Variants in CCDC88A observed in about 807,000 individuals in gnomAD.
The protein encoded by CCDC88A is coiled-coil and HOOK domain protein 88A.
In CCDC88A, 54 loss-of-function variants were observed where a neutral mutation model predicts 234.3. That is an observed-to-expected ratio of 0.23 (90% CI 0.19 to 0.29). The LOEUF is 0.29. Among genes scored for constraint, CCDC88A ranks in the 10% least tolerant of loss-of-function variants. CCDC88A has a pLI of 1.00. For missense variants in CCDC88A, 1,832 were observed against 2,123.4 expected, an observed-to-expected ratio of 0.86 and a Z score of 2.70; for synonymous variants, 753 against 737.8, an observed-to-expected ratio of 1.02 and a Z score of -0.33.
In CCDC88A at chr2:55,416,470, AT is replaced by A. The variant is rs1681475074; in HGVS notation, c.164+2345del. On this transcript the variant is annotated intron_variant, in intron 2 of 32. Coordinates refer to ENST00000436346, the MANE Select transcript of CCDC88A (RefSeq NM_001365480.1). ...TATATATATATATATATATATATATATATATATATATATATATGTATATATT... is the reference window on the plus strand; with the variant it reads ...TATATATATATATATATATATATATAATATATATATATATATGTATATATT... 2.1e-5 allele frequency among the ~76,000 whole-genome samples: 2 copies of A among 95,186 alleles called. 1 individual carries two copies. The highest frequency in any genetic ancestry group is 2.0e-4 in the Admixed American group (2 of 9,790). The allele number at this position is 95,186 out of a possible 152,430, so 62.4% of individuals were successfully genotyped here.
Position 55,317,673 on chromosome 2 carries a change from G to T in CCDC88A, c.3493C>A (p.Leu1165Ile). 1 of 1,613,284 alleles carries T rather than the reference G, an allele frequency of 6.2e-7. No homozygotes were observed. Among genetic ancestry groups the T allele is most frequent in the Non-Finnish European group, 8.5e-7 (1 of 1,179,418 alleles). Reference sequence around the variant, plus strand: ...TCTGAAGCCTGACGTTCATGAAGAAGTTCCAGCTTTTCATGATCTTTGATC... The same window carrying T: ...TCTGAAGCCTGACGTTCATGAAGAATTTCCAGCTTTTCATGATCTTTGATC... ...SLIKDHEKLELLHERQASEYE... is the reference protein window; with the variant it reads ...SLIKDHEKLEILHERQASEYE... Residue 1165 changes from leucine (L) to isoleucine (I), a missense_variant, in exon 20 of 33, where the codon CTT becomes ATT. Physicochemically the swap from Leu to Ile is conservative, Grantham distance 5 (BLOSUM62 2). This residue lies in a region of CCDC88A where 1,282 missense variants were observed against 1,543.6 expected (regional missense o/e 0.83). Transcript: ENST00000436346. This position sits in a 1 kb window ranked among gnomAD's most constrained non-coding sequence, Gnocchi z 4.2.
Position 55,296,009 on chromosome 2 carries a change from A to T in CCDC88A, c.5139T>A (p.Ser1713Arg). Reference sequence around the variant, plus strand: ...CCAAAAAGTCAGAAGAGACAGACAAACTTTTCATTACTTCATCTAAAAGAT... The same window carrying T: ...CCAAAAAGTCAGAAGAGACAGACAATCTTTTCATTACTTCATCTAAAAGAT... ...QENLLDEVMK[S>R]LSVSSDFLGK... Residue 1713 changes from serine to arginine, a missense_variant, in exon 31 of 33, where the codon AGT (serine) becomes AGA (arginine). Physicochemically the swap from Ser to Arg is moderately radical, Grantham distance 110. Coordinates refer to ENST00000436346, the MANE Select transcript of CCDC88A (RefSeq NM_001365480.1). 1 of 1,607,026 alleles carries T rather than the reference A, an allele frequency of 6.2e-7. No homozygotes were observed. Among genetic ancestry groups the T allele is most frequent in the Non-Finnish European group, 8.5e-7 (1 of 1,178,430 alleles).
intron 31 of CCDC88A, chr2:55,294,715 G>T: frequency 1.0e-6 from 1 of 992,164 alleles, no homozygotes; most frequent in Non-Finnish European, 1.2e-6. Context: ...ATATGACTTG[G>T]AAATGTCTTC....
chr2:55,342,920 G>T (rs1668686014), intron 12 of CCDC88A, among the ~76,000 whole-genome samples: 2 of 152,216 alleles, frequency 1.3e-5, no homozygotes, highest in South Asian at 4.1e-4. Flanking sequence ...GCAAAACTGA[G>T]GAGTTTTGAA....
chr2:55,355,157 A>G (rs1462983346), intron 8 of CCDC88A, among the ~76,000 whole-genome samples: 1 of 152,060 alleles, frequency 6.6e-6, no homozygotes, highest in Non-Finnish European at 1.5e-5. Flanking sequence ...TTTTGTTAAT[A>G]GTATAATGCG....
chr2:55,385,584 G>A (rs569094176), intron 3 of CCDC88A, among the ~76,000 whole-genome samples: 1 of 152,248 alleles, frequency 6.6e-6, no homozygotes, highest in Non-Finnish European at 1.5e-5. Context: ...CGGGCGCGGT[G>A]GCTCACGCCT....
Position 55,335,145 on chromosome 2 carries a change from T to C in CCDC88A, c.1676A>G (p.Glu559Gly). 6.5e-7 allele frequency: 1 copy of C among 1,536,192 alleles called. No individual in the cohort carries two copies. The highest frequency in any genetic ancestry group is 8.7e-7 in the Non-Finnish European group (1 of 1,146,620). Reference sequence around the variant, plus strand: ...CACTGTTTGATTCAGATGTTCATTTTCCTGTTCCAGTATCTTAATCTAATT... The same window carrying C: ...CACTGTTTGATTCAGATGTTCATTTCCCTGTTCCAGTATCTTAATCTAATT... The part of the protein sequence containing the change: ...SERQIKILEQ[E>G]NEHLNQTVSS... The change falls in exon 15 of 33, where the codon GAA (glutamate) becomes GGA (glycine). Residue 559 changes from glutamate to glycine, a missense_variant. Glu to Gly is a moderately conservative substitution (Grantham distance 98, BLOSUM62 -2). Coordinates refer to ENST00000436346, the MANE Select transcript of CCDC88A (RefSeq NM_001365480.1). The surrounding 1 kb of genome is among the most constrained non-coding windows in gnomAD (Gnocchi z 4.5).
At chr2:55,375,723 T>C (rs10195081) in intron 3 of CCDC88A, among the ~76,000 whole-genome samples, 129,984 of 151,254 alleles carry the variant, frequency 0.86, 56,292 homozygotes, top group Admixed American at 0.93. Flanking sequence ...AGATGGGGTG[T>C]CACCATGTTG....
intron 25 of CCDC88A, among the ~76,000 whole-genome samples, chr2:55,307,346 A>G (rs1178313420): frequency 6.7e-6 from 1 of 150,092 alleles, no homozygotes; most frequent in Non-Finnish European, 1.5e-5. Context: ...ACAAATATGT[A>G]TCTCTTCACC....
intron 16 of CCDC88A, among the ~76,000 whole-genome samples, chr2:55,330,876 T>C (rs1684835645): frequency 1.3e-5 from 2 of 152,244 alleles, no homozygotes; most frequent in South Asian, 2.1e-4. Context: ...TTTTGTGCTT[T>C]TATACAAATG....
At chr2:55,413,015 G>A (rs1275603530) in intron 2 of CCDC88A, among the ~76,000 whole-genome samples, 1 of 151,996 alleles carries the variant, frequency 6.6e-6, no homozygotes, top group African/African-American at 2.4e-5. Context: ...ACCAGCCTGG[G>A]CAAAAAAGTG....
In CCDC88A at chr2:55,309,385, A is replaced by C. The variant is rs1682031851; in HGVS notation, c.4080-131T>G. ...AATACAGATACCATGGTTGGCAACT[A>C]AGATTTCATCAGGTAGTTAACAATG... On this transcript the variant is annotated intron_variant, in intron 23 of 32. Transcript: ENST00000436346. The surrounding 1 kb of genome is among the most constrained non-coding windows in gnomAD (Gnocchi z 5.1). The C allele has an allele frequency of 2.2e-6, 1 of 462,326 alleles. No homozygotes were observed. Among genetic ancestry groups the C allele is most frequent in the Non-Finnish European group, 3.9e-6 (1 of 259,512 alleles). The allele number at this position is 462,326 out of a possible 1,614,324, so 28.6% of individuals were successfully genotyped here. A position where few individuals can be genotyped will look rare whatever the true frequency, so the allele number is the denominator to read the frequency against.
At position 55,346,209 on chromosome 2, in the gene CCDC88A, A is replaced by C; in HGVS notation, c.1007T>G (p.Leu336Arg). 1 of 1,609,566 alleles carries C rather than the reference A, an allele frequency of 6.2e-7. No individual in the cohort carries two copies. Among genetic ancestry groups the C allele is most frequent in the Non-Finnish European group, 8.5e-7 (1 of 1,177,172 alleles). The change falls in exon 10 of 33, where the codon CTA becomes CGA. Residue 336 changes from leucine to arginine, a missense_variant. Transcript: ENST00000436346. ...TGCCTTATAAAATTCAATATCATGT[A>C]GTCTCTCTTTATATCTGCTGACTTC... ...ESEVSRYKER[L>R]HDIEFYKARV...
Position 55,364,042 on chromosome 2 carries a change from A to T in CCDC88A, c.403-9T>A. 7.6e-7 allele frequency: 1 copy of T among 1,309,592 alleles called. No homozygotes were observed. The highest frequency in any genetic ancestry group is 1.1e-6 in the Non-Finnish European group (1 of 918,418). 81.1% of individuals were successfully genotyped at this position (1,309,592 alleles called of 1,614,324 possible). On this transcript the variant is annotated splice_polypyrimidine_tract_variant and intron_variant, in intron 5 of 32. Coordinates refer to ENST00000436346, the MANE Select transcript of CCDC88A (RefSeq NM_001365480.1). ...TCCTCTTTTTTCTGACACTAAAATA[A>T]ATGAATAAAATAGTTATTCATACTT...
chr2:55,380,610 T>A (rs771899464), intron 3 of CCDC88A, among the ~76,000 whole-genome samples: 10 of 152,118 alleles, frequency 6.6e-5, no homozygotes, highest in African/African-American at 9.7e-5. Flanking sequence ...TAACCATTTT[T>A]AAAAATTTTT....
intron 26 of CCDC88A, among the ~76,000 whole-genome samples, chr2:55,302,288 C>T (rs1443360667): frequency 6.6e-6 from 1 of 152,158 alleles, no homozygotes; most frequent in Non-Finnish European, 1.5e-5. Flanking sequence ...TTTATCCCAC[C>T]TCCACCCCCT....
chr2:55,402,925 C>T (rs538010520), intron 2 of CCDC88A, among the ~76,000 whole-genome samples: 55 of 151,952 alleles, frequency 3.6e-4, no homozygotes, highest in African/African-American at 1.2e-3. Context: ...AGGAGAATGG[C>T]GTGAACCCAG....
chr2:55,309,079 C>T lies in CCDC88A; in HGVS notation c.4173-56G>A. 2.7e-6 allele frequency: 4 copies of T among 1,484,760 alleles called. 1 individual carries two copies. The highest frequency in any genetic ancestry group is 3.7e-6 in the Non-Finnish European group (4 of 1,067,204). The allele number at this position is 1,484,760 out of a possible 1,614,324, so 92.0% of individuals were successfully genotyped here. A position where few individuals can be genotyped will look rare whatever the true frequency, so the allele number is the denominator to read the frequency against. On this transcript the variant is annotated intron_variant, in intron 24 of 32. Coordinates refer to ENST00000436346, the MANE Select transcript of CCDC88A (RefSeq NM_001365480.1). The surrounding 1 kb of genome is among the most constrained non-coding windows in gnomAD (Gnocchi z 5.1). ...TAAAATTCAACATACAAATCCTTCA[C>T]AAAAGTAGAAGTCATCACAATATTA...
intron 29 of CCDC88A, among the ~76,000 whole-genome samples, chr2:55,297,626 G>T (rs536396629): frequency 1.3e-4 from 19 of 150,990 alleles, no homozygotes; most frequent in African/African-American, 4.6e-4. Flanking sequence ...GGCCAGGTTG[G>T]TCTGTAACTC....
Sources: gnomAD v4.1 joint callset for allele counts (sites outside exome capture counted in the v4.1 genomes callset) on GRCh38, gnomAD v4.1.1 for gene constraint, gnomAD v4.1.1 regional missense constraint, Gnocchi (gnomAD v3.1) non-coding constraint, MANE v1.5 for transcripts, NCBI Gene and HGNC (gene_info 2026-07-23, HGNC 2026-07-21) for gene names.